The following KIF26B variants were observed in gnomAD, a reference collection of about 807,000 sequenced individuals.
KIF26B encodes kinesin-like protein KIF26B.
KIF26B carries 63 observed loss-of-function variants against 151.2 expected under a neutral mutation model. The ratio of observed to expected loss-of-function variants is 0.42; its 90% CI spans 0.34 to 0.51. KIF26B has a LOEUF of 0.51. Among genes scored for constraint, KIF26B ranks in the 20% least tolerant of loss-of-function variants. The pLI, the probability that KIF26B is intolerant of heterozygous loss-of-function variation, is 0.07. For missense variants in KIF26B, 2,813 were observed against 2,913.6 expected (o/e 0.97, Z 0.79); for synonymous variants, 1,357 against 1,262.1 (o/e 1.08, Z -1.59).
At chr1:245,539,823 T>C (rs916930460) in intron 4 of KIF26B, among the ~76,000 whole-genome samples, 1 of 152,094 alleles carries the variant, frequency 6.6e-6, no homozygotes, top group Non-Finnish European at 1.5e-5. Flanking sequence ...CGGCTAATTT[T>C]TGTATTTTTA....
At chr1:245,349,030 G>T (rs553266858) in intron 2 of KIF26B, among the ~76,000 whole-genome samples, 12 of 152,304 alleles carry the variant, frequency 7.9e-5, no homozygotes, top group African/African-American at 2.9e-4. Flanking sequence ...CATGTGACGT[G>T]ACCTGTGTGT....
At chr1:245,192,239 A>C (rs1187717920) in intron 2 of KIF26B, among the ~76,000 whole-genome samples, 1 of 149,760 alleles carries the variant, frequency 6.7e-6, no homozygotes, top group African/African-American at 2.4e-5. Flanking sequence ...AATGTTTCCC[A>C]TGTTTCAGGG....
chr1:245,252,283 A>C (rs935351591), intron 2 of KIF26B, among the ~76,000 whole-genome samples: 1 of 151,590 alleles, frequency 6.6e-6, no homozygotes, highest in Non-Finnish European at 1.5e-5. Context: ...TCTCAAAAAA[A>C]AAAAAAAAAA....
intron 3 of KIF26B, among the ~76,000 whole-genome samples, chr1:245,377,573 C>T (rs894720330): frequency 6.6e-6 from 1 of 152,194 alleles, no homozygotes; most frequent in African/African-American, 2.4e-5. Context: ...CTAATAATTA[C>T]ATCTTCAAAG....
At chr1:245,522,042 T>G (rs987305033) in intron 4 of KIF26B, among the ~76,000 whole-genome samples, 22 of 152,040 alleles carry the variant, frequency 1.4e-4, no homozygotes, top group Non-Finnish European at 3.2e-4. Flanking sequence ...GCTAATTTTT[T>G]GTATTTTTAG....
At position 245,488,288 on chromosome 1, in the gene KIF26B, T is replaced by TA. The variant is rs1404332629; in HGVS notation, c.1167-52473dup. On this transcript the variant is annotated intron_variant, in intron 4 of 14. Coordinates refer to ENST00000407071, the MANE Select transcript of KIF26B (RefSeq NM_018012.4). This position sits in a 1 kb window ranked among gnomAD's most constrained non-coding sequence, Gnocchi z 4.6. ...AGCAACTTTTAGGCTCCCTTAGCTT[T>TA]AAAAAAGAATCCTCTAACCATATGG... 1.3e-5 allele frequency among the ~76,000 whole-genome samples: 2 copies of TA among 152,042 alleles called. No individual in the cohort carries two copies. The highest frequency in any genetic ancestry group is 3.9e-4 in the East Asian group (2 of 5,174).
intron 2 of KIF26B, among the ~76,000 whole-genome samples, chr1:245,230,203 A>G (rs527873953): frequency 9.2e-5 from 14 of 152,124 alleles, no homozygotes; most frequent in Admixed American, 5.2e-4. Context: ...CAGTGTAACT[A>G]GAGACGAGGT....
chr1:245,569,441 C>G (rs755518279), intron 5 of KIF26B, among the ~76,000 whole-genome samples: 4 of 151,972 alleles, frequency 2.6e-5, no homozygotes, highest in Non-Finnish European at 5.9e-5. Context: ...AAACTTGTCT[C>G]TACAAAAAGT....
chr1:245,457,349 A>C (rs61829865), intron 4 of KIF26B, among the ~76,000 whole-genome samples: 2,045 of 152,358 alleles, frequency 0.013, 16 homozygotes, highest in Non-Finnish European at 0.022. Context: ...CCACATCCAC[A>C]TATATGACCT....
intron 9 of KIF26B, among the ~76,000 whole-genome samples, chr1:245,617,637 G>A (rs1005309422): frequency 1.1e-4 from 17 of 152,074 alleles, no homozygotes; most frequent in Admixed American, 9.2e-4. Context: ...CTCATCTCCC[G>A]CTTGGTCAAT....
At chr1:245,379,658 TTTCGATAAATTGGAA>T (rs746768186) in intron 3 of KIF26B, among the ~76,000 whole-genome samples, 2 of 151,932 alleles carry the variant, frequency 1.3e-5, no homozygotes, top group Non-Finnish European at 2.9e-5. Context: ...AATTTGCAAG[TTTCGATAAATTGGAA>T]AATTGAAATG....
intron 4 of KIF26B, among the ~76,000 whole-genome samples, chr1:245,456,266 C>A (rs1659515545): frequency 6.6e-6 from 1 of 152,106 alleles, no homozygotes; most frequent in Non-Finnish European, 1.5e-5. Flanking sequence ...TTAATGAATA[C>A]CTTATCGTTG....
rs548422038 is a variant in KIF26B at position 245,527,524 on chromosome 1, C to CTTTTTTTTTTTTTTTTTTTTTTT, written c.1167-13238_1167-13216dup. ...TCATTTATATCTGGCTTTGGGATGG[C>CTTTTTTTTTTTTTTTTTTTTTTT]TTTTTTTTTTTTTTTTTTTTTTTTT... is the stretch of plus-strand genomic sequence containing the variant. On this transcript the variant is annotated intron_variant, in intron 4 of 14. Coordinates refer to ENST00000407071, the MANE Select transcript of KIF26B (RefSeq NM_018012.4). 4.7e-4 allele frequency among the ~76,000 whole-genome samples: 24 copies of CTTTTTTTTTTTTTTTTTTTTTTT among 50,722 alleles called. 9 individuals carry two copies. Among genetic ancestry groups the CTTTTTTTTTTTTTTTTTTTTTTT allele is most frequent in the South Asian group, 2.6e-3 (2 of 774 alleles). The allele number at this position is 50,722 out of a possible 152,430, so 33.3% of individuals were successfully genotyped here.
At chr1:245,462,103 A>G (rs1659660732) in intron 4 of KIF26B, among the ~76,000 whole-genome samples, 1 of 152,190 alleles carries the variant, frequency 6.6e-6, no homozygotes. Context: ...AGCCTTGGCA[A>G]TGGAGAGAGA....
chr1:245,281,297 C>T (rs1304393564), intron 2 of KIF26B, among the ~76,000 whole-genome samples: 1 of 74,160 alleles, frequency 1.3e-5, no homozygotes. Flanking sequence ...GATTGCCATT[C>T]TAACTGGTGT....
chr1:245,492,538 T>C (rs1201885255), intron 4 of KIF26B, among the ~76,000 whole-genome samples: 1 of 152,216 alleles, frequency 6.6e-6, no homozygotes, highest in African/African-American at 2.4e-5. Context: ...GTAGTTCACA[T>C]GATATTTTTA....
chr1:245,198,265 C>G (rs960568003), intron 2 of KIF26B, among the ~76,000 whole-genome samples: 3 of 152,236 alleles, frequency 2.0e-5, no homozygotes, highest in Non-Finnish European at 4.4e-5. Context: ...AATTCCAGAT[C>G]AGTACTTACT....
chr1:245,684,022 C>G (rs2044474396), intron 10 of KIF26B, among the ~76,000 whole-genome samples: 1 of 152,244 alleles, frequency 6.6e-6, no homozygotes, highest in Non-Finnish European at 1.5e-5. Context: ...GTGCTTTGCA[C>G]AGATTCCATC....
chr1:245,614,110 C>A (rs1024233125), intron 9 of KIF26B, among the ~76,000 whole-genome samples: 11 of 152,172 alleles, frequency 7.2e-5, no homozygotes, highest in Non-Finnish European at 1.6e-4. Context: ...GAGACTCCCC[C>A]ATGCTGCAGC....
Sources: allele counts gnomAD v4.1 joint callset (sites outside exome capture counted in the v4.1 genomes callset), GRCh38; gene constraint gnomAD v4.1.1; non-coding constraint Gnocchi (gnomAD v3.1); transcripts MANE v1.5; gene names NCBI Gene and HGNC (gene_info 2026-07-23, HGNC 2026-07-21).